The following UBL3 variants were observed in gnomAD, a reference collection of about 807,000 sequenced individuals.
UBL3 encodes the protein ubiquitin-like protein 3.
In UBL3, 6 loss-of-function variants were observed where a neutral mutation model predicts 18.4. The ratio of observed to expected loss-of-function variants is 0.33; its 90% CI spans 0.18 to 0.64. The LOEUF is 0.64. Ranked by LOEUF, UBL3 falls within the 30% of genes least tolerant of loss-of-function variation. The probability of loss-of-function intolerance (pLI) is 0.76; values close to 1 mark genes in which losing one functional copy is unlikely to be tolerated. For missense variants in UBL3, 109 were observed against 142.9 expected (o/e 0.76, Z 1.21); for synonymous variants, 49 against 46.6 (o/e 1.05, Z -0.21).
intron 3 of UBL3, among the ~76,000 whole-genome samples, chr13:29,771,121 G>A (rs1354298388): frequency 6.6e-6 from 1 of 152,008 alleles, no homozygotes; most frequent in Non-Finnish European, 1.5e-5. Context: ...GCTTAGCACA[G>A]TGTTGGCCCA....
intron 1 of UBL3, among the ~76,000 whole-genome samples, chr13:29,815,575 G>A (rs1878254626): frequency 6.6e-6 from 1 of 152,064 alleles, no homozygotes; most frequent in Non-Finnish European, 1.5e-5. Context: ...TCTTCTGAAT[G>A]CCACTTTATT....
intron 1 of UBL3, among the ~76,000 whole-genome samples, chr13:29,835,126 ATATATATATATATATATATATAT>A (rs1878909396): frequency 1.2e-3 from 4 of 3,296 alleles, no homozygotes; most frequent in South Asian, 9.4e-3. Context: ...ATATATATAA[ATATATATATATATATATATATAT>A]ATATATATAT....
At chr13:29,825,474 G>A (rs1397202653) in intron 1 of UBL3, among the ~76,000 whole-genome samples, 1 of 152,092 alleles carries the variant, frequency 6.6e-6, no homozygotes, top group Non-Finnish European at 1.5e-5. Context: ...ATTGTGAATG[G>A]GATTTCACTC....
chr13:29,834,220 G>T (rs1878862460), intron 1 of UBL3, among the ~76,000 whole-genome samples: 1 of 150,336 alleles, frequency 6.7e-6, no homozygotes, highest in African/African-American at 2.4e-5. Context: ...AGAACAGAAT[G>T]AATACATGTA....
intron 1 of UBL3, among the ~76,000 whole-genome samples, chr13:29,777,788 CAG>C (rs1307297091): frequency 6.6e-5 from 10 of 152,070 alleles, no homozygotes; most frequent in South Asian, 2.1e-4. Context: ...TTTTTTGAGA[CAG>C]AGTCTCTGCT....
intron 1 of UBL3, among the ~76,000 whole-genome samples, chr13:29,793,233 C>G (rs990814472): frequency 6.6e-6 from 1 of 152,070 alleles, no homozygotes; most frequent in African/African-American, 2.4e-5. Context: ...CAACGACTAA[C>G]AGACAGCAGA....
rs532387134 is a variant in UBL3 at position 29,779,655 on chromosome 13, G to A, written c.28-2392C>T. On this transcript the variant is annotated intron_variant, in intron 1 of 4. Transcript: ENST00000380680. ...GTATATCCTTACCATGGAAATCCAT[G>A]CAGCTGTTAAACGACATGAGATAAA... Among the ~76,000 whole-genome samples, 14 of 152,294 alleles carry A rather than the reference G, an allele frequency of 9.2e-5. No individual in the cohort carries two copies. The South Asian group carries it at 2.9e-3, about 32-fold the overall frequency.
chr13:29,835,150 ATATATATAT>A (rs1878919828), intron 1 of UBL3, among the ~76,000 whole-genome samples: 1 of 26,526 alleles, frequency 3.8e-5, no homozygotes, highest in Non-Finnish European at 6.9e-5. Context: ...ATATATATAT[ATATATATAT>A]ATATATATAT....
At chr13:29,829,479 C>T (rs111999721) in intron 1 of UBL3, among the ~76,000 whole-genome samples, 2,002 of 152,318 alleles carry the variant, frequency 0.013, 41 homozygotes, top group African/African-American at 0.044. Context: ...GGCGTGGGAC[C>T]CTCCAAGCCA....
intron 1 of UBL3, among the ~76,000 whole-genome samples, chr13:29,837,855 A>C (rs888089389): frequency 6.6e-6 from 1 of 151,634 alleles, no homozygotes; most frequent in Non-Finnish European, 1.5e-5. Flanking sequence ...ACTTGAACCC[A>C]GGAGGCGGAG....
chr13:29,789,695 G>C (rs925970117), intron 1 of UBL3, among the ~76,000 whole-genome samples: 2 of 152,200 alleles, frequency 1.3e-5, no homozygotes, highest in African/African-American at 2.4e-5. Flanking sequence ...AAGTTTATTT[G>C]CTTTTTTTCA....
At chr13:29,798,520 T>A (rs573479093) in intron 1 of UBL3, among the ~76,000 whole-genome samples, 5 of 152,214 alleles carry the variant, frequency 3.3e-5, no homozygotes, top group African/African-American at 1.2e-4. Context: ...GAGGCCACAG[T>A]CCATAAGCTT....
chr13:29,799,540 C>A (rs1427749659), intron 1 of UBL3, among the ~76,000 whole-genome samples: 1 of 152,164 alleles, frequency 6.6e-6, no homozygotes, highest in African/African-American at 2.4e-5. Flanking sequence ...ATTTTCTTTG[C>A]TCCCATACAC....
chr13:29,771,646 T>C (rs952470909), intron 3 of UBL3, among the ~76,000 whole-genome samples: 4 of 152,056 alleles, frequency 2.6e-5, no homozygotes, highest in African/African-American at 9.7e-5. Flanking sequence ...AAATCTGTTC[T>C]TTCAACTATT....
intron 1 of UBL3, among the ~76,000 whole-genome samples, chr13:29,809,948 C>T (rs981475187): frequency 6.6e-6 from 1 of 151,932 alleles, no homozygotes; most frequent in African/African-American, 2.4e-5. Flanking sequence ...GTTCAGACTG[C>T]AGAAAATTCA....
intron 1 of UBL3, among the ~76,000 whole-genome samples, chr13:29,793,273 A>G (rs1478363844): frequency 1.3e-5 from 2 of 152,212 alleles, no homozygotes; most frequent in Non-Finnish European, 2.9e-5. Context: ...AAAGATTGGT[A>G]TATGCAGATT....
Position 29,764,813 on chromosome 13 carries a change from T to C in UBL3, c.*2442A>G, listed in dbSNP as rs919943157. 1.3e-5 allele frequency: 2 copies of C among 152,214 alleles called. No individual in the cohort carries two copies. Among genetic ancestry groups the C allele is most frequent in the South Asian group, 2.1e-4 (1 of 4,830 alleles). 9.4% of individuals were successfully genotyped at this position (152,214 alleles called of 1,614,324 possible). On this transcript the variant is annotated 3_prime_UTR_variant, in exon 5 of 5. Transcript: ENST00000380680. ...CTCTCACCTTTAGATAAGTGAGCTA[T>C]ATTTTTGGCAGAGGGATCTTCAAAA... is the stretch of plus-strand genomic sequence containing the variant.
At chr13:29,785,438 TA>T (rs1395784296) in intron 1 of UBL3, among the ~76,000 whole-genome samples, 1 of 152,216 alleles carries the variant, frequency 6.6e-6, no homozygotes, top group African/African-American at 2.4e-5. Flanking sequence ...GAATAGTTTT[TA>T]AAAAATAACA....
At chr13:29,839,905 C>T (rs1487975085) in intron 1 of UBL3, among the ~76,000 whole-genome samples, 21 of 133,032 alleles carry the variant, frequency 1.6e-4, no homozygotes, top group African/African-American at 2.3e-4. Context: ...CTAGCCTGGG[C>T]GACAGAGTGA....
Sources: allele counts gnomAD v4.1 joint callset (sites outside exome capture counted in the v4.1 genomes callset), GRCh38; gene constraint gnomAD v4.1.1; transcripts MANE v1.5; gene names NCBI Gene and HGNC (gene_info 2026-07-23, HGNC 2026-07-21).